CKLF: variants seen among roughly 807,000 people sequenced by gnomAD.
CKLF encodes the protein chemokine-like factor.
In CKLF, 16 loss-of-function variants were observed where a neutral mutation model predicts 12.9. The observed-to-expected ratio is 1.24, with a 90% confidence interval of 0.84 to 1.88. The LOEUF (loss-of-function observed/expected upper bound fraction) is 1.88, where lower values mean the gene tolerates loss of function less well. Ranked by LOEUF, CKLF falls within the 40% of genes most tolerant of loss-of-function variation. The pLI, the probability that CKLF is intolerant of heterozygous loss-of-function variation, is 0.00. For synonymous variants in CKLF, 61 were observed against 69.0 expected (o/e 0.88, Z 0.57); for missense variants, 172 against 188.5 (o/e 0.91, Z 0.51).
chr16:66,559,662 C>A (rs16956687), intron 2 of CKLF, among the ~76,000 whole-genome samples: 2 of 152,100 alleles, frequency 1.3e-5, no homozygotes, highest in African/African-American at 2.4e-5. Context: ...GAGTTTCTTA[C>A]ATGTCCCAGT....
At chr16:66,564,261 G>T (rs930052259) in intron 3 of CKLF, among the ~76,000 whole-genome samples, 2 of 152,134 alleles carry the variant, frequency 1.3e-5, no homozygotes, top group Admixed American at 6.5e-5. Flanking sequence ...ATAGTTGCTA[G>T]CCACATGGGG....
intron 2 of CKLF, among the ~76,000 whole-genome samples, chr16:66,559,342 T>A (rs1411217323): frequency 6.6e-6 from 1 of 152,218 alleles, no homozygotes; most frequent in Non-Finnish European, 1.5e-5. Flanking sequence ...TTAAAAGTCC[T>A]AAAAGGGAAA....
At position 66,556,483 on chromosome 16, in the gene CKLF, A is replaced by T. The variant is rs547335985; in HGVS notation, c.79-1707A>T. ...TAGGAAAGATGTAAGAACTGTAAAT[A>T]TAAATCACAGGAGAACACAGTTTGA... On this transcript the variant is annotated intron_variant, in intron 1 of 3. Coordinates refer to ENST00000264001, the MANE Select transcript of CKLF (RefSeq NM_016951.4). 1.5e-4 allele frequency among the ~76,000 whole-genome samples: 23 copies of T among 152,368 alleles called. No individual in the cohort carries two copies. The South Asian group carries it at 4.3e-3, about 29-fold the overall frequency.
chr16:66,563,294 T>C (rs763291369), intron 3 of CKLF, 77 bp downstream of exon 3: 25 of 1,530,092 alleles, frequency 1.6e-5, no homozygotes, highest in Non-Finnish European at 2.1e-5. Context: ...GATGTAAGAA[T>C]AGAAAGCTAT....
At chr16:66,554,283 G>C (rs1336877788) in intron 1 of CKLF, among the ~76,000 whole-genome samples, 1 of 152,232 alleles carries the variant, frequency 6.6e-6, no homozygotes, top group African/African-American at 2.4e-5. Context: ...ATAAGATGGA[G>C]ATAGAACACA....
intron 2 of CKLF, chr16:66,558,680 T>C (rs2011547341): frequency 9.6e-6 from 2 of 207,604 alleles, no homozygotes. Flanking sequence ...TTATTACCTA[T>C]TTGGATGCAT....
rs746630783 is a variant in CKLF, at chr16:66,558,228, A to C, written c.117A>C (p.Ala39=). 6.2e-7 allele frequency: 1 copy of C among 1,612,696 alleles called. No homozygotes were observed. Among genetic ancestry groups the C allele is most frequent in the South Asian group, 1.1e-5 (1 of 90,472 alleles). The part of the protein sequence containing the change: ...TVTSMTFFII[A]QAPEPYIVIT... ...CATCTATGACCTTTTTTATCATCGC[A>C]CAAGCCCCTGAACCATATATTGTTA... The change falls in exon 2 of 4, where the codon GCA becomes GCC. Residue 39 remains alanine (A), a synonymous_variant. Coordinates refer to ENST00000264001, the MANE Select transcript of CKLF (RefSeq NM_016951.4).
rs995816027 is a variant in CKLF at position 66,552,849 on chromosome 16, T to C, written c.78+56T>C. ...GATGAAGCTGCTGGGGGGCGGGAGA[T>C]GTGGGTGTGAAGTGCAAAGCTGAAC... On this transcript the variant is annotated intron_variant, in intron 1 of 3. Transcript: ENST00000264001. 5.9e-5 allele frequency: 95 copies of C among 1,612,588 alleles called. No homozygotes were observed. In the African/African-American group the frequency reaches 1.1e-3, roughly 19 times the overall value.
chr16:66,552,725 G>A lies in CKLF; in HGVS notation c.10G>A (p.Val4Met). The A allele has an allele frequency of 6.2e-7, 1 of 1,614,164 alleles. No homozygotes were observed. The highest frequency in any genetic ancestry group is 2.2e-5 in the East Asian group (1 of 44,886). Residue 4 changes from valine (V) to methionine (M), a missense_variant, in exon 1 of 4, where the codon GTG (valine) becomes ATG (methionine). Transcript: ENST00000264001. ...TGGGTCTGCAGACGCGATGGATAAC[G>A]TGCAGCCGAAAATAAAACATCGCCC... MDN[V>M]QPKIKHRPFC...
chr16:66,565,377 C>G (rs1283880476), intron 3 of CKLF, among the ~76,000 whole-genome samples: 2 of 152,206 alleles, frequency 1.3e-5, no homozygotes, highest in Non-Finnish European at 2.9e-5. Context: ...ACCCTTTAAG[C>G]AGATGTAGCC....
chr16:66,562,948 C>A (rs1404869777), intron 2 of CKLF, 174 bp from the exon 3 acceptor site: 1 of 713,356 alleles, frequency 1.4e-6, no homozygotes, highest in Non-Finnish European at 2.3e-6. Flanking sequence ...TCTCAAACTC[C>A]AGGCTTCAAG....
At chr16:66,558,943 A>C (rs1175125672) in intron 2 of CKLF, among the ~76,000 whole-genome samples, 1 of 152,232 alleles carries the variant, frequency 6.6e-6, no homozygotes, top group African/African-American at 2.4e-5. Flanking sequence ...GATGGTTCTG[A>C]AAACTGTCAA....
At chr16:66,563,382 C>T (rs764647049) in intron 3 of CKLF, among the ~76,000 whole-genome samples, 165 bp downstream of exon 3, 3 of 152,156 alleles carry the variant, frequency 2.0e-5, no homozygotes, top group Admixed American at 6.5e-5. Context: ...AATGCTTGCC[C>T]TGATTAACAT....
rs2011460910 is a variant in CKLF, at chr16:66,556,581, AG to A, written c.79-1607del. Among the ~76,000 whole-genome samples the A allele has an allele frequency of 2.0e-5, 3 of 152,256 alleles. No individual in the cohort carries two copies. The South Asian group carries it at 6.2e-4, about 31-fold the overall frequency. On this transcript the variant is annotated intron_variant, in intron 1 of 3. Transcript: ENST00000264001. ...ATCACCATGATGAAAAAGGTTACAG[AG>A]GATAGGGACTGAAAAAGTGGCCCTT... is the stretch of plus-strand genomic sequence containing the variant.
In CKLF at chr16:66,552,588, A is replaced by T. The variant is rs1965845988; in HGVS notation, c.-128A>T. ...ATGCGCGCAAGAGAGCGGGAAGCCG[A>T]GCTGGGCGAGAAGTAGGGGAGGGCG... On this transcript the variant is annotated 5_prime_UTR_variant, in exon 1 of 4. Transcript: ENST00000264001. 2.8e-6 allele frequency: 4 copies of T among 1,454,096 alleles called. No individual in the cohort carries two copies. Among genetic ancestry groups the T allele is most frequent in the Admixed American group, 1.8e-5 (1 of 54,362 alleles). 90.1% of individuals were successfully genotyped at this position (1,454,096 alleles called of 1,614,324 possible). A position where few individuals can be genotyped will look rare whatever the true frequency, so the allele number is the denominator to read the frequency against.
chr16:66,555,837 A>C (rs2011425697), intron 1 of CKLF, among the ~76,000 whole-genome samples: 1 of 152,196 alleles, frequency 6.6e-6, no homozygotes, highest in Admixed American at 6.5e-5. Context: ...GAGTGCCCAA[A>C]ATGTTTAGGC....
At chr16:66,564,195 G>A (rs2011963930) in intron 3 of CKLF, among the ~76,000 whole-genome samples, 1 of 152,138 alleles carries the variant, frequency 6.6e-6, no homozygotes, top group Non-Finnish European at 1.5e-5. Flanking sequence ...CATTTCTTAA[G>A]TGTACTTTGG....
intron 1 of CKLF, among the ~76,000 whole-genome samples, chr16:66,557,332 T>A (rs1274984554): frequency 6.6e-6 from 1 of 152,062 alleles, no homozygotes; most frequent in East Asian, 1.9e-4. Flanking sequence ...CACACCTGGA[T>A]AATTTTTGTA....
In CKLF at chr16:66,558,317, G is replaced by A. The variant is rs746507378; in HGVS notation, c.206G>A (p.Arg69Gln). The change falls in exon 2 of 4, where the codon CGA becomes CAA. Residue 69 changes from arginine to glutamine, a missense_variant. Physicochemically the swap from Arg to Gln is conservative, Grantham distance 43 (BLOSUM62 1). Transcript: ENST00000264001. ...FILLYVLRLD[R>Q]LMKWLFWPLL... is the part of the protein sequence containing the mutation. ...CTTTTATATGTACTCAGACTTGATC[G>A]ATTAATGAAGTGGTTATTTTGGCCT... 44 of 1,605,784 alleles carry A rather than the reference G, an allele frequency of 2.7e-5. No individual in the cohort carries two copies. The highest frequency in any genetic ancestry group is 2.1e-4 in the South Asian group (19 of 88,390).
Sources: gnomAD v4.1 joint callset for allele counts (sites outside exome capture counted in the v4.1 genomes callset) on GRCh38, gnomAD v4.1.1 for gene constraint, MANE v1.5 for transcripts, NCBI Gene and HGNC (gene_info 2026-07-23, HGNC 2026-07-21) for gene names.